TRAPPC10: variants seen among roughly 807,000 people sequenced by gnomAD.
The protein encoded by TRAPPC10 is trafficking protein particle complex subunit 10.
Under a neutral mutation model 125.5 loss-of-function variants are expected in TRAPPC10, and 23 were observed. The observed-to-expected ratio is 0.18, with a 90% confidence interval of 0.13 to 0.26. The LOEUF (loss-of-function observed/expected upper bound fraction) is 0.26, where lower values mean the gene tolerates loss of function less well. Among genes scored for constraint, TRAPPC10 ranks in the 10% least tolerant of loss-of-function variants. The pLI is 1.00. For missense variants in TRAPPC10, 1,123 were observed against 1,308.4 expected (o/e 0.86, Z 2.19); for synonymous variants, 509 against 518.0 (o/e 0.98, Z 0.24).
In TRAPPC10 at chr21:44,086,807, C is replaced by T; in HGVS notation, c.2386C>T (p.Leu796Phe). The stretch of plus-strand genomic sequence containing the variant: ...CACGATCTCTTTTCCTTTAGATAGC[C>T]TTCTGGCAGGCATTCCTCAGAGAGT... ...QLHVEPLADS[L>F]LAGIPQRVKF... Residue 796 changes from leucine to phenylalanine, a missense_variant, in exon 16 of 23, where the codon CTT (leucine) becomes TTT (phenylalanine). Coordinates refer to ENST00000291574, the MANE Select transcript of TRAPPC10 (RefSeq NM_003274.5). The T allele has an allele frequency of 6.2e-7, 1 of 1,614,136 alleles. No homozygotes were observed. Among genetic ancestry groups the T allele is most frequent in the Non-Finnish European group, 8.5e-7 (1 of 1,180,012 alleles).
At chr21:44,090,922 G>A (rs1259022769) in intron 18 of TRAPPC10, among the ~76,000 whole-genome samples, 1 of 152,218 alleles carries the variant, frequency 6.6e-6, no homozygotes, top group Non-Finnish European at 1.5e-5. Context: ...GCCGGGCGTG[G>A]TGGCTCATGC....
At chr21:44,023,414 A>G (rs1165470816) in intron 1 of TRAPPC10, among the ~76,000 whole-genome samples, 1 of 152,096 alleles carries the variant, frequency 6.6e-6, no homozygotes, top group Non-Finnish European at 1.5e-5. Flanking sequence ...TTGTTCGTTT[A>G]GTATGGCTGT....
At chr21:44,025,821 G>GTGT (rs2032991774) in intron 1 of TRAPPC10, among the ~76,000 whole-genome samples, 1 of 109,866 alleles carries the variant, frequency 9.1e-6, no homozygotes, top group African/African-American at 3.4e-5. Context: ...AGAGGGCAGG[G>GTGT]GTGTGTGTGT....
At chr21:44,069,445 T>C (rs1487044396) in intron 7 of TRAPPC10, among the ~76,000 whole-genome samples, 1 of 152,276 alleles carries the variant, frequency 6.6e-6, no homozygotes, top group East Asian at 1.9e-4. Flanking sequence ...ACTGAAGCCA[T>C]TATTAATGAA....
At chr21:44,058,792 T>C (rs56384549) in intron 5 of TRAPPC10, among the ~76,000 whole-genome samples, 54,108 of 152,012 alleles carry the variant, frequency 0.36, 13,078 homozygotes, top group African/African-American at 0.69. Flanking sequence ...GGAGCCACAG[T>C]GAGGGGCGAG....
intron 6 of TRAPPC10, chr21:44,062,840 C>A (rs748548936): frequency 1.8e-5 from 18 of 985,410 alleles, no homozygotes; most frequent in Non-Finnish European, 2.2e-5. Context: ...GGTTATGACA[C>A]CTCTCTGTTG....
At chr21:44,023,682 A>C (rs2147188964) in intron 1 of TRAPPC10, among the ~76,000 whole-genome samples, 1 of 152,284 alleles carries the variant, frequency 6.6e-6, no homozygotes. Context: ...GTATTTCAAG[A>C]CCATAGTCTG....
At chr21:44,078,014 A>G (rs1295467438) in intron 11 of TRAPPC10, among the ~76,000 whole-genome samples, 2 of 152,266 alleles carry the variant, frequency 1.3e-5, no homozygotes, top group East Asian at 3.9e-4. Context: ...CTTTTATTTA[A>G]TTAAATATAT....
At chr21:44,084,005 A>G in intron 14 of TRAPPC10, 117 bp from the exon 15 acceptor site, 1 of 1,186,702 alleles carries the variant, frequency 8.4e-7, no homozygotes, top group South Asian at 1.5e-5. Context: ...GGGGTACAAG[A>G]GGGAAAGAAG....
intron 7 of TRAPPC10, among the ~76,000 whole-genome samples, chr21:44,065,873 A>G (rs1218074068): frequency 6.6e-6 from 1 of 152,062 alleles, no homozygotes; most frequent in Non-Finnish European, 1.5e-5. Context: ...AAATTTTTAA[A>G]TTTTTTGGTA....
chr21:44,057,331 C>T (rs1311134273), intron 5 of TRAPPC10, among the ~76,000 whole-genome samples: 2 of 151,548 alleles, frequency 1.3e-5, no homozygotes, highest in African/African-American at 4.9e-5. Context: ...TGGAGTCTTG[C>T]TCTGTCACCA....
chr21:44,023,765 G>C (rs539372501), intron 1 of TRAPPC10, among the ~76,000 whole-genome samples: 1 of 152,150 alleles, frequency 6.6e-6, no homozygotes, highest in African/African-American at 2.4e-5. Context: ...ATTTTTGTTT[G>C]TTTGTTTTTT....
intron 7 of TRAPPC10, among the ~76,000 whole-genome samples, chr21:44,071,402 C>G (rs1462583466): frequency 6.6e-6 from 1 of 152,194 alleles, no homozygotes; most frequent in Non-Finnish European, 1.5e-5. Context: ...AAAAGTATCA[C>G]TGCAATTAGG....
chr21:44,054,141 A>G (rs1173745587), intron 4 of TRAPPC10, among the ~76,000 whole-genome samples: 1 of 152,208 alleles, frequency 6.6e-6, no homozygotes, highest in African/African-American at 2.4e-5. Context: ...TACCTAACTC[A>G]TAGGTTCTAG....
intron 14 of TRAPPC10, 79 bp downstream of exon 14, chr21:44,083,381 G>T: frequency 6.7e-7 from 1 of 1,492,426 alleles, no homozygotes; most frequent in Admixed American, 2.0e-5. Context: ...TCTGGAGTGT[G>T]CTGTGAATTG....
chr21:44,037,651 A>G (rs1376911727), intron 2 of TRAPPC10, 141 bp from the exon 3 acceptor site: 1 of 933,452 alleles, frequency 1.1e-6, no homozygotes, highest in Non-Finnish European at 1.6e-6. Context: ...GTTTCTGAGC[A>G]GAATAGCGTA....
At chr21:44,021,145 CA>C (rs1348445452) in intron 1 of TRAPPC10, among the ~76,000 whole-genome samples, 4 of 152,174 alleles carry the variant, frequency 2.6e-5, no homozygotes, top group Non-Finnish European at 5.9e-5. Flanking sequence ...ACTTGATACC[CA>C]GCACTGTCTT....
At chr21:44,064,107 G>A (rs534735575) in intron 7 of TRAPPC10, among the ~76,000 whole-genome samples, 1 of 152,310 alleles carries the variant, frequency 6.6e-6, no homozygotes, top group African/African-American at 2.4e-5. Context: ...ACTCACCTGA[G>A]GGACACGCAG....
Position 44,038,218 on chromosome 21 carries a change from C to T in TRAPPC10, c.285+291C>T, listed in dbSNP as rs191907119. On this transcript the variant is annotated intron_variant, in intron 3 of 22. Transcript: ENST00000291574. ...TGGCCAAGTGCGGGACTTGCTGTTG[C>T]GTGTTTGCGCCCTGGTCTGGCGTGC... Among the ~76,000 whole-genome samples, 48 of 152,174 alleles carry T rather than the reference C, an allele frequency of 3.2e-4. 1 individual carries two copies. Among genetic ancestry groups the T allele is most frequent in the Non-Finnish European group, 1.3e-4 (9 of 68,034 alleles).
Sources: allele counts gnomAD v4.1 joint callset (sites outside exome capture counted in the v4.1 genomes callset), GRCh38; gene constraint gnomAD v4.1.1; transcripts MANE v1.5; gene names NCBI Gene and HGNC (gene_info 2026-07-23, HGNC 2026-07-21).